Variants in LRP1B observed in about 807,000 individuals in gnomAD.
The protein encoded by LRP1B is low-density lipoprotein receptor-related protein 1B.
In LRP1B, 217 loss-of-function variants were observed where a neutral mutation model predicts 556.6. The ratio of observed to expected loss-of-function variants is 0.39; its 90% CI spans 0.35 to 0.44. LRP1B has a LOEUF of 0.44. Ranked by LOEUF, LRP1B falls within the 20% of genes least tolerant of loss-of-function variation. The pLI is 1.00. For synonymous variants in LRP1B, 2,047 were observed against 1,865.8 expected, an observed-to-expected ratio of 1.10 and a Z score of -2.50; for missense variants, 5,053 against 5,620.8, an observed-to-expected ratio of 0.90 and a Z score of 3.23.
chr2:141,050,591 T>A (rs977901840), intron 10 of LRP1B, among the ~76,000 whole-genome samples: 3 of 151,960 alleles, frequency 2.0e-5, no homozygotes, highest in Non-Finnish European at 4.4e-5. Context: ...AGTGAAAACA[T>A]GCAGGGTTTG....
intron 2 of LRP1B, among the ~76,000 whole-genome samples, chr2:141,599,547 A>G (rs914933893): frequency 2.6e-5 from 4 of 152,110 alleles, no homozygotes; most frequent in Non-Finnish European, 4.4e-5. Context: ...ACTTGCAACT[A>G]TTACTATCAG....
At chr2:141,150,625 G>A (rs1433439621) in intron 7 of LRP1B, among the ~76,000 whole-genome samples, 4 of 152,172 alleles carry the variant, frequency 2.6e-5, no homozygotes, top group African/African-American at 4.8e-5. Flanking sequence ...TCCTAATGCA[G>A]CATTTTTCAT....
intron 3 of LRP1B, among the ~76,000 whole-genome samples, chr2:141,317,362 C>G (rs1487214022): frequency 6.6e-6 from 1 of 152,172 alleles, no homozygotes; most frequent in Non-Finnish European, 1.5e-5. Flanking sequence ...TCTTGTCTTC[C>G]TTGGCTTGCA....
chr2:140,854,552 T>C (rs1203743782), intron 27 of LRP1B, among the ~76,000 whole-genome samples: 6 of 152,234 alleles, frequency 3.9e-5, no homozygotes, highest in Admixed American at 3.3e-4. Context: ...CTACCTATTC[T>C]ATTCCAATTA....
At chr2:142,059,673 C>T (rs1284899593) in intron 1 of LRP1B, among the ~76,000 whole-genome samples, 2 of 151,890 alleles carry the variant, frequency 1.3e-5, no homozygotes, top group African/African-American at 2.4e-5. Context: ...TTTATCTTAC[C>T]TTGCTAAGAA....
At chr2:140,484,749 C>T (rs1688396882) in intron 59 of LRP1B, among the ~76,000 whole-genome samples, 1 of 152,126 alleles carries the variant, frequency 6.6e-6, no homozygotes, top group African/African-American at 2.4e-5. Flanking sequence ...TGTGTTCATC[C>T]CTCATTTGAA....
chr2:140,641,729 T>G (rs923942966), intron 41 of LRP1B, among the ~76,000 whole-genome samples: 2 of 152,208 alleles, frequency 1.3e-5, no homozygotes, highest in African/African-American at 2.4e-5. Flanking sequence ...TCCTGGTAAG[T>G]GACTTTTTTC....
At chr2:140,962,716 T>C (rs1025848363) in intron 18 of LRP1B, among the ~76,000 whole-genome samples, 1 of 152,200 alleles carries the variant, frequency 6.6e-6, no homozygotes, top group African/African-American at 2.4e-5. Flanking sequence ...GGACATCTTC[T>C]CTACTGTGCG....
At chr2:142,031,473 C>T (rs1361316989) in intron 1 of LRP1B, among the ~76,000 whole-genome samples, 3 of 121,892 alleles carry the variant, frequency 2.5e-5, no homozygotes, top group East Asian at 6.7e-4. Context: ...TCTCCCAATG[C>T]TATCCCTCCC....
At chr2:141,995,719 A>G (rs1282601334) in intron 1 of LRP1B, among the ~76,000 whole-genome samples, 2 of 152,228 alleles carry the variant, frequency 1.3e-5, no homozygotes, top group Admixed American at 1.3e-4. Flanking sequence ...GAGAGAGGAA[A>G]TAATATCCTA....
chr2:141,285,970 G>C (rs995582211), intron 3 of LRP1B, among the ~76,000 whole-genome samples: 16 of 147,078 alleles, frequency 1.1e-4, no homozygotes, highest in Non-Finnish European at 3.0e-5. Flanking sequence ...GGGAGGCTGA[G>C]GCAGGAGAAT....
At chr2:141,361,916 C>A (rs143578757) in intron 3 of LRP1B, among the ~76,000 whole-genome samples, 1,816 of 152,258 alleles carry the variant, frequency 0.012, 24 homozygotes, top group Middle Eastern at 0.02. Flanking sequence ...GTACACTATC[C>A]TTTCACTCAT....
intron 11 of LRP1B, among the ~76,000 whole-genome samples, chr2:141,038,824 G>A (rs934128441): frequency 2.2e-4 from 34 of 152,160 alleles, no homozygotes; most frequent in African/African-American, 7.0e-4. Flanking sequence ...ATTCCATAAT[G>A]CTAAGTATGA....
chr2:141,357,336 G>A (rs1317766248), intron 3 of LRP1B, among the ~76,000 whole-genome samples: 1 of 151,994 alleles, frequency 6.6e-6, no homozygotes, highest in African/African-American at 2.4e-5. Flanking sequence ...TTTGATGAAG[G>A]TTTTTCCATC....
intron 6 of LRP1B, among the ~76,000 whole-genome samples, chr2:141,196,665 CA>C (rs1681765167): frequency 6.6e-6 from 1 of 152,052 alleles, no homozygotes; most frequent in South Asian, 2.1e-4. Flanking sequence ...CATAATTCTA[CA>C]AAAGAACTAC....
At chr2:141,288,610 A>G (rs539495335) in intron 3 of LRP1B, among the ~76,000 whole-genome samples, 1 of 152,294 alleles carries the variant, frequency 6.6e-6, no homozygotes, top group Non-Finnish European at 1.5e-5. Flanking sequence ...CTAGTTCCTT[A>G]TTTTGCCTGA....
At position 142,031,343 on chromosome 2, in the gene LRP1B, T is replaced by TAACGTA. The variant is rs1469632874; in HGVS notation, c.82+99304_82+99305insTACGTT. On this transcript the variant is annotated intron_variant, in intron 1 of 90. Coordinates refer to ENST00000389484, the MANE Select transcript of LRP1B (RefSeq NM_018557.3). ...TTGATTATACTTATTTTTTTTTTTT[T>TAACGTA]TTTTTATTATACTCTAAGTTTTAGG... 1.3e-4 allele frequency among the ~76,000 whole-genome samples: 16 copies of TAACGTA among 126,624 alleles called. No homozygotes were observed. In the South Asian group the frequency reaches 1.5e-3, roughly 12 times the overall value. 83.1% of individuals were successfully genotyped at this position (126,624 alleles called of 152,430 possible).
chr2:140,965,929 C>T (rs961503857), intron 18 of LRP1B, among the ~76,000 whole-genome samples: 2 of 151,632 alleles, frequency 1.3e-5, no homozygotes, highest in Non-Finnish European at 2.9e-5. Flanking sequence ...TGTATATGTG[C>T]CACATTCTCT....
At chr2:141,393,799 C>T (rs1275793515) in intron 3 of LRP1B, among the ~76,000 whole-genome samples, 1 of 151,956 alleles carries the variant, frequency 6.6e-6, no homozygotes, top group African/African-American at 2.4e-5. Context: ...CAGAGTTATA[C>T]AAAGCAAAAA....
Sources: allele counts gnomAD v4.1 joint callset (sites outside exome capture counted in the v4.1 genomes callset), GRCh38; gene constraint gnomAD v4.1.1; transcripts MANE v1.5; gene names NCBI Gene and HGNC (gene_info 2026-07-23, HGNC 2026-07-21).